The following RPS6KC1 variants were observed in gnomAD, a reference collection of about 807,000 sequenced individuals.
RPS6KC1 encodes ribosomal protein S6 kinase C1, also known as inactive ribosomal protein S6 kinase delta-1.
In RPS6KC1, 54 loss-of-function variants were observed where a neutral mutation model predicts 103.8. The ratio of observed to expected loss-of-function variants is 0.52; its 90% CI spans 0.42 to 0.65. RPS6KC1 has a LOEUF of 0.65. Among genes scored for constraint, RPS6KC1 ranks in the 30% least tolerant of loss-of-function variants. RPS6KC1 has a pLI of 0.00. For missense variants in RPS6KC1, 1,151 were observed against 1,253.8 expected (o/e 0.92, Z 1.24); for synonymous variants, 439 against 438.7 (o/e 1.00, Z -0.01).
At chr1:213,068,317 C>T (rs1258125568) in intron 1 of RPS6KC1, among the ~76,000 whole-genome samples, 1 of 151,640 alleles carries the variant, frequency 6.6e-6, no homozygotes, top group Non-Finnish European at 1.5e-5. Flanking sequence ...AACCTTGTCT[C>T]TACTAAAAAT....
chr1:213,395,033 C>T, the RPS6KC1 span, among the ~76,000 whole-genome samples: 1 of 152,166 alleles, frequency 6.6e-6, no homozygotes, highest in Non-Finnish European at 1.5e-5. Context: ...TGTGCCCTTT[C>T]CCACCCTCCT....
chr1:213,674,325 A>G, the RPS6KC1 span, among the ~76,000 whole-genome samples: 75 of 152,234 alleles, frequency 4.9e-4, 1 homozygote, highest in Non-Finnish European at 9.0e-4. Flanking sequence ...GGCTTGTACC[A>G]TCTTTATGTT....
chr1:213,695,000 A>G, the RPS6KC1 span, among the ~76,000 whole-genome samples: 1 of 152,160 alleles, frequency 6.6e-6, no homozygotes, highest in Non-Finnish European at 1.5e-5. Flanking sequence ...TTGCAGAATC[A>G]GGGCAGCAAA....
the RPS6KC1 span, among the ~76,000 whole-genome samples, chr1:213,448,566 C>T: frequency 2.6e-5 from 4 of 152,100 alleles, no homozygotes; most frequent in African/African-American, 9.7e-5. Flanking sequence ...ACTTCAAAGA[C>T]CTGGTCCCAG....
At chr1:213,510,161 A>C in the RPS6KC1 span, among the ~76,000 whole-genome samples, 5 of 152,198 alleles carry the variant, frequency 3.3e-5, no homozygotes, top group African/African-American at 1.2e-4. Flanking sequence ...CAGCCAAAGT[A>C]GGGGCCTGCT....
the RPS6KC1 span, among the ~76,000 whole-genome samples, chr1:213,301,477 T>C: frequency 6.6e-6 from 1 of 152,192 alleles, no homozygotes; most frequent in South Asian, 2.1e-4. Flanking sequence ...GATGCAGTGA[T>C]AAACAAGGCA....
chr1:213,373,099 C>T, the RPS6KC1 span, among the ~76,000 whole-genome samples: 2 of 152,154 alleles, frequency 1.3e-5, no homozygotes, highest in Admixed American at 6.5e-5. Context: ...AATATCTAAT[C>T]CTCTAACGAA....
chr1:213,684,715 C>T, the RPS6KC1 span, among the ~76,000 whole-genome samples: 1 of 152,168 alleles, frequency 6.6e-6, no homozygotes, highest in African/African-American at 2.4e-5. Flanking sequence ...GAACACGTGA[C>T]CAGCCAGCAC....
chr1:213,653,649 T>G, the RPS6KC1 span, among the ~76,000 whole-genome samples: 5 of 152,242 alleles, frequency 3.3e-5, no homozygotes, highest in African/African-American at 1.2e-4. Context: ...TGTAATTAAT[T>G]GATCATATCT....
the RPS6KC1 span, among the ~76,000 whole-genome samples, chr1:213,773,799 C>A: frequency 6.6e-6 from 1 of 152,152 alleles, no homozygotes; most frequent in Non-Finnish European, 1.5e-5. Context: ...AGGATGGTCT[C>A]TTTTACTTAA....
At chr1:213,147,720 A>G (rs1379779719) in intron 6 of RPS6KC1, among the ~76,000 whole-genome samples, 3 of 152,016 alleles carry the variant, frequency 2.0e-5, no homozygotes, top group Admixed American at 6.6e-5. Context: ...TTGTTTTTCT[A>G]TTTCTGTGAA....
At chr1:213,369,439 C>T in the RPS6KC1 span, among the ~76,000 whole-genome samples, 3 of 152,212 alleles carry the variant, frequency 2.0e-5, no homozygotes, top group Admixed American at 6.5e-5. Flanking sequence ...GGGCCAAAGT[C>T]CTGGGGGTGG....
chr1:213,630,550 T>C, the RPS6KC1 span, among the ~76,000 whole-genome samples: 1 of 146,038 alleles, frequency 6.8e-6, no homozygotes, highest in Non-Finnish European at 1.6e-5. Flanking sequence ...CGGAGTAGTT[T>C]GATCATCTGA....
At chr1:213,297,106 A>G in the RPS6KC1 span, among the ~76,000 whole-genome samples, 1 of 152,218 alleles carries the variant, frequency 6.6e-6, no homozygotes, top group African/African-American at 2.4e-5. Flanking sequence ...GCAGCAGATG[A>G]CAATGGCGTG....
At chr1:213,418,017 G>A in the RPS6KC1 span, among the ~76,000 whole-genome samples, 5 of 152,162 alleles carry the variant, frequency 3.3e-5, no homozygotes. Context: ...TGAGGGGAAA[G>A]GACAGAGCTC....
chr1:213,256,085 C>G (rs759348258), intron 12 of RPS6KC1, among the ~76,000 whole-genome samples: 5 of 152,216 alleles, frequency 3.3e-5, no homozygotes, highest in Admixed American at 6.5e-5. Flanking sequence ...TTATCCTTCT[C>G]TACTACTCCA....
chr1:213,638,506 C>G, the RPS6KC1 span, among the ~76,000 whole-genome samples: 3 of 151,942 alleles, frequency 2.0e-5, no homozygotes, highest in African/African-American at 7.3e-5. Flanking sequence ...ATCTATGATT[C>G]ACTTTTAGTT....
intron 8 of RPS6KC1, among the ~76,000 whole-genome samples, chr1:213,229,405 T>C (rs546808914): frequency 1.3e-5 from 2 of 152,170 alleles, no homozygotes; most frequent in South Asian, 2.1e-4. Flanking sequence ...AGCTCTCTGG[T>C]AGGGGGAAGA....
chr1:213,325,437 C>A, the RPS6KC1 span, among the ~76,000 whole-genome samples: 2 of 152,220 alleles, frequency 1.3e-5, no homozygotes, highest in Non-Finnish European at 2.9e-5. Context: ...TGCCTTCCAC[C>A]CTCCTACTAA....
Sources: gnomAD v4.1 joint callset for allele counts (sites outside exome capture counted in the v4.1 genomes callset) on GRCh38, gnomAD v4.1.1 for gene constraint, MANE v1.5 for transcripts, NCBI Gene and HGNC (gene_info 2026-07-23, HGNC 2026-07-21) for gene names.